MACROD2: variants seen among roughly 807,000 people sequenced by gnomAD.
MACROD2 encodes ADP-ribose glycohydrolase MACROD2.
Under a neutral mutation model 70.4 loss-of-function variants are expected in MACROD2, and 36 were observed. The ratio of observed to expected loss-of-function variants is 0.51; its 90% CI spans 0.39 to 0.68. The LOEUF (loss-of-function observed/expected upper bound fraction) is 0.68, where lower values mean the gene tolerates loss of function less well. MACROD2 is among the 30% of genes least tolerant of loss of function. The probability of loss-of-function intolerance (pLI) is 0.00; values close to 1 mark genes in which losing one functional copy is unlikely to be tolerated. For synonymous variants in MACROD2, 172 were observed against 178.8 expected, an observed-to-expected ratio of 0.96 and a Z score of 0.30; for missense variants, 496 against 538.4, an observed-to-expected ratio of 0.92 and a Z score of 0.78.
chr20:15,328,709 C>T (rs553367134), intron 6 of MACROD2, among the ~76,000 whole-genome samples: 1 of 152,234 alleles, frequency 6.6e-6, no homozygotes, highest in South Asian at 2.1e-4. Context: ...ACATTATATG[C>T]AATTGAATTC....
chr20:15,935,464 C>T (rs1373213373), intron 11 of MACROD2, among the ~76,000 whole-genome samples: 2 of 152,134 alleles, frequency 1.3e-5, no homozygotes, highest in East Asian at 1.9e-4. Context: ...GGTTATGGGT[C>T]GTTAAAGCTC....
intron 5 of MACROD2, among the ~76,000 whole-genome samples, chr20:15,002,180 G>A (rs2075001187): frequency 6.6e-6 from 1 of 152,104 alleles, no homozygotes; most frequent in East Asian, 1.9e-4. Flanking sequence ...GTTCTTTAAG[G>A]AATCTCTGTA....
Position 15,206,721 on chromosome 20 carries a change from G to GTTTTTTTTTTTTTTTTTTTTT in MACROD2, c.419-23213_419-23193dup, listed in dbSNP as rs56752104. Among the ~76,000 whole-genome samples, 139 of 33,004 alleles carry GTTTTTTTTTTTTTTTTTTTTT rather than the reference G, an allele frequency of 4.2e-3. 52 individuals are homozygous for GTTTTTTTTTTTTTTTTTTTTT. Among genetic ancestry groups the GTTTTTTTTTTTTTTTTTTTTT allele is most frequent in the African/African-American group, 6.6e-3 (43 of 6,544 alleles). The allele number at this position is 33,004 out of a possible 152,430, so 21.7% of individuals were successfully genotyped here. ...GCATGAAGTCTTTCATATTATCTATGTTTTTTTTTTTTTTTTTTTTTTTTT... is the reference window on the plus strand; with the variant it reads ...GCATGAAGTCTTTCATATTATCTATGTTTTTTTTTTTTTTTTTTTTTTTTTTTTTTTTTTTTTTTTTTTTTT... On this transcript the variant is annotated intron_variant, in intron 5 of 17. Transcript: ENST00000684519.
chr20:14,546,239 C>CT (rs1052962820), intron 4 of MACROD2, among the ~76,000 whole-genome samples: 12 of 151,470 alleles, frequency 7.9e-5, no homozygotes, highest in South Asian at 2.1e-4. Flanking sequence ...ATTGCTAGAA[C>CT]TTTTTTTTTG....
intron 8 of MACROD2, among the ~76,000 whole-genome samples, chr20:15,518,427 A>G (rs1232311091): frequency 6.6e-6 from 1 of 152,264 alleles, no homozygotes; most frequent in African/African-American, 2.4e-5. Flanking sequence ...GGAAAATACC[A>G]TAAATTTCTT....
intron 3 of MACROD2, among the ~76,000 whole-genome samples, chr20:14,416,460 A>C (rs570101813): frequency 2.0e-5 from 3 of 152,324 alleles, no homozygotes; most frequent in African/African-American, 7.2e-5. Context: ...ACAGTGTCTT[A>C]TATACACTTA....
intron 3 of MACROD2, among the ~76,000 whole-genome samples, chr20:14,147,567 A>T (rs2054958096): frequency 6.6e-6 from 1 of 152,182 alleles, no homozygotes; most frequent in Non-Finnish European, 1.5e-5. Flanking sequence ...ACTTGACCTC[A>T]GGTAGTTTAA....
intron 6 of MACROD2, among the ~76,000 whole-genome samples, chr20:15,404,113 G>C (rs1194900114): frequency 9.9e-5 from 15 of 152,160 alleles, no homozygotes; most frequent in Admixed American, 6.5e-4. Context: ...TATAGTGCTT[G>C]AGAGTACATA....
At chr20:14,752,320 C>G (rs912930433) in intron 5 of MACROD2, among the ~76,000 whole-genome samples, 30 of 151,998 alleles carry the variant, frequency 2.0e-4, no homozygotes, top group African/African-American at 6.8e-4. Flanking sequence ...CTTGTACCCC[C>G]AGACTTCTTC....
intron 3 of MACROD2, among the ~76,000 whole-genome samples, chr20:14,398,078 G>A (rs2083599590): frequency 6.6e-6 from 1 of 152,002 alleles, no homozygotes; most frequent in African/African-American, 2.4e-5. Flanking sequence ...TTGATAAATA[G>A]TATTTTATTA....
At chr20:14,169,798 T>C (rs886488009) in intron 3 of MACROD2, among the ~76,000 whole-genome samples, 4 of 152,288 alleles carry the variant, frequency 2.6e-5, no homozygotes, top group Admixed American at 6.5e-5. Flanking sequence ...TTTGAATACA[T>C]TGTTGTCTGT....
At chr20:14,089,810 T>C (rs915087032) in intron 3 of MACROD2, among the ~76,000 whole-genome samples, 2 of 152,354 alleles carry the variant, frequency 1.3e-5, no homozygotes, top group African/African-American at 4.8e-5. Flanking sequence ...CACAGAGTCC[T>C]ATGAACCCTG....
At chr20:14,888,948 G>A (rs1392915992) in intron 5 of MACROD2, among the ~76,000 whole-genome samples, 2 of 152,042 alleles carry the variant, frequency 1.3e-5, no homozygotes, top group African/African-American at 4.8e-5. Flanking sequence ...AATTTTGGGA[G>A]AAAAGCTATT....
At chr20:14,786,161 C>A (rs748222602) in intron 5 of MACROD2, among the ~76,000 whole-genome samples, 1 of 149,104 alleles carries the variant, frequency 6.7e-6, no homozygotes, top group Non-Finnish European at 1.5e-5. Context: ...TCTGTAAATT[C>A]CCAGTTCTCT....
chr20:15,384,183 C>T (rs2045681137), intron 6 of MACROD2, among the ~76,000 whole-genome samples: 1 of 152,142 alleles, frequency 6.6e-6, no homozygotes, highest in Non-Finnish European at 1.5e-5. Context: ...AGTGCATAGC[C>T]TTCAGGTAAC....
At chr20:14,275,929 T>C (rs2082250375) in intron 3 of MACROD2, among the ~76,000 whole-genome samples, 1 of 152,204 alleles carries the variant, frequency 6.6e-6, no homozygotes, top group East Asian at 1.9e-4. Context: ...CACAGTGAGA[T>C]ACCATCTCAC....
chr20:15,408,667 C>T (rs1600370078), intron 6 of MACROD2, among the ~76,000 whole-genome samples: 2 of 152,326 alleles, frequency 1.3e-5, no homozygotes, highest in African/African-American at 4.8e-5. Flanking sequence ...GGCCCTTAGC[C>T]TCCAGAGAGG....
intron 5 of MACROD2, among the ~76,000 whole-genome samples, chr20:14,742,674 A>C (rs1413469061): frequency 6.6e-6 from 1 of 151,996 alleles, no homozygotes; most frequent in East Asian, 1.9e-4. Flanking sequence ...CCTGGACACT[A>C]ATTCTAGGAA....
At chr20:15,182,481 G>T (rs763731406) in intron 5 of MACROD2, among the ~76,000 whole-genome samples, 2 of 152,130 alleles carry the variant, frequency 1.3e-5, no homozygotes, top group Admixed American at 6.5e-5. Flanking sequence ...TGATTTTCCT[G>T]GGGCGGAAGA....
Sources: gnomAD v4.1 joint callset for allele counts (sites outside exome capture counted in the v4.1 genomes callset) on GRCh38, gnomAD v4.1.1 for gene constraint, MANE v1.5 for transcripts, NCBI Gene and HGNC (gene_info 2026-07-23, HGNC 2026-07-21) for gene names.